The following GMIP variants were observed in gnomAD, a reference collection of about 807,000 sequenced individuals.
GMIP encodes the protein GEM-interacting protein.
A neutral mutation model predicts 105.3 loss-of-function variants in GMIP; 54 were observed. The ratio of observed to expected loss-of-function variants is 0.51; its 90% CI spans 0.41 to 0.64. The LOEUF (loss-of-function observed/expected upper bound fraction) is 0.64, where lower values mean the gene tolerates loss of function less well. GMIP is among the 30% of genes least tolerant of loss of function. The probability of loss-of-function intolerance (pLI) is 0.00; values close to 1 mark genes in which losing one functional copy is unlikely to be tolerated. For missense variants in GMIP, 1,110 were observed against 1,319.4 expected (o/e 0.84, Z 2.46); for synonymous variants, 541 against 560.8 (o/e 0.96, Z 0.50).
rs547315553 is a variant in GMIP at position 19,634,601 on chromosome 19, T to G, written c.1990A>C (p.Ser664Arg). 1 of 1,613,512 alleles carries G rather than the reference T, an allele frequency of 6.2e-7. No individual in the cohort carries two copies. Among genetic ancestry groups the G allele is most frequent in the South Asian group, 1.1e-5 (1 of 91,060 alleles). The change falls in exon 18 of 21, where the codon AGC becomes CGC. Residue 664 changes from serine to arginine, a missense_variant. Transcript: ENST00000203556. The surrounding 1 kb of genome is among the most constrained non-coding windows in gnomAD (Gnocchi z 6.1). ...TTCAGCGAGCGGATAACCTCAGGGC[T>G]GGGGCTGGGGGTCCCAGGGTCGTCC... is the stretch of plus-strand genomic sequence containing the variant. ...PGDDPGTPSP[S>R]PEVIRSLKTL...
chr19:19,633,337 C>T (rs1314456445), intron 19 of GMIP, among the ~76,000 whole-genome samples: 4 of 152,134 alleles, frequency 2.6e-5, no homozygotes, highest in Non-Finnish European at 5.9e-5. Context: ...GGATTACAGG[C>T]GTGTGCCACC....
At chr19:19,641,356 C>T (rs547273176) in intron 4 of GMIP, among the ~76,000 whole-genome samples, 24 of 152,278 alleles carry the variant, frequency 1.6e-4, no homozygotes, top group Non-Finnish European at 3.4e-4. Context: ...GCTGGGATTA[C>T]AGGCGTGAGC....
Position 19,641,793 on chromosome 19 carries a change from C to A in GMIP, c.238+17G>T. The A allele has an allele frequency of 6.3e-7, 1 of 1,590,016 alleles. No individual in the cohort carries two copies. The highest frequency in any genetic ancestry group is 1.1e-5 in the South Asian group (1 of 89,968). On this transcript the variant is annotated intron_variant, in intron 4 of 20. Transcript: ENST00000203556. ...CTCCTGTCTGTCCCCACTGTCCTGG[C>A]CTCCAGACCCCCCTACCTGTGAGGG...
chr19:19,636,566 A>G (rs980665961), intron 13 of GMIP, 141 bp downstream of exon 13: 2 of 667,868 alleles, frequency 3.0e-6, no homozygotes, highest in Non-Finnish European at 5.4e-6. Context: ...AAAAAGGTAA[A>G]AAAAGAGGTT....
At position 19,630,389 on chromosome 19, in the gene GMIP, C is replaced by T. The variant is rs200716843; in HGVS notation, c.2540-53G>A. On this transcript the variant is annotated intron_variant, in intron 20 of 20. Coordinates refer to ENST00000203556, the MANE Select transcript of GMIP (RefSeq NM_016573.4). This position sits in a 1 kb window ranked among gnomAD's most constrained non-coding sequence, Gnocchi z 4.8. Reference sequence around the variant, plus strand: ...GAGCACCTCCAAGTTCTCTGTATATCCCCCCAGGAGTCATCTTTTAGCAAG... The same window carrying T: ...GAGCACCTCCAAGTTCTCTGTATATTCCCCCAGGAGTCATCTTTTAGCAAG... 7 of 1,571,724 alleles carry T rather than the reference C, an allele frequency of 4.5e-6. No individual in the cohort carries two copies. Among genetic ancestry groups the T allele is most frequent in the Non-Finnish European group, 5.2e-6 (6 of 1,161,342 alleles).
chr19:19,643,612 G>T lies in GMIP; in HGVS notation c.-83C>A. 2 of 1,225,104 alleles carry T rather than the reference G, an allele frequency of 1.6e-6. No individual in the cohort carries two copies. Among genetic ancestry groups the T allele is most frequent in the Non-Finnish European group, 1.1e-6 (1 of 882,974 alleles). 75.9% of individuals were successfully genotyped at this position (1,225,104 alleles called of 1,614,324 possible). A position where few individuals can be genotyped will look rare whatever the true frequency, so the allele number is the denominator to read the frequency against. ...CGGGGCCGAGCCCCGATTTCCTGCC[G>T]CCGCAGCCGCCGCCGCCGCCTCGGT... On this transcript the variant is annotated 5_prime_UTR_variant, in exon 1 of 21. Coordinates refer to ENST00000203556, the MANE Select transcript of GMIP (RefSeq NM_016573.4).
At position 19,635,430 on chromosome 19, in the gene GMIP, C is replaced by T. The variant is rs773835328; in HGVS notation, c.1545G>A (p.Gly515=). The T allele has an allele frequency of 3.1e-6, 5 of 1,609,384 alleles. No individual in the cohort carries two copies. The highest frequency in any genetic ancestry group is 2.2e-5 in the South Asian group (2 of 90,950). The stretch of plus-strand genomic sequence containing the variant: ...CAGGCCACACCTCCTCACACTCCGT[C>T]CCGCTGACCATGAAGGCTTCGCACT... ...CRECEAFMVS[G]TECEECFLTC... Residue 515 remains glycine, a synonymous_variant, in exon 15 of 21, where the codon GGG becomes GGA. Transcript: ENST00000203556. This position sits in a 1 kb window ranked among gnomAD's most constrained non-coding sequence, Gnocchi z 4.7.
chr19:19,637,611 G>A lies in GMIP; in HGVS notation c.928-50C>T. On this transcript the variant is annotated intron_variant, in intron 10 of 20. Coordinates refer to ENST00000203556, the MANE Select transcript of GMIP (RefSeq NM_016573.4). The surrounding 1 kb of genome is among the most constrained non-coding windows in gnomAD (Gnocchi z 6.7). Reference sequence around the variant, plus strand: ...GGGAGGGGCGGAGCCTGGGAGCCTGGGGGCAGGGCCAGAGCTGGGGCGGGG... The same window carrying A: ...GGGAGGGGCGGAGCCTGGGAGCCTGAGGGCAGGGCCAGAGCTGGGGCGGGG... 7.2e-7 allele frequency: 1 copy of A among 1,395,784 alleles called. No homozygotes were observed. The highest frequency in any genetic ancestry group is 9.5e-7 in the Non-Finnish European group (1 of 1,054,040). 86.5% of individuals were successfully genotyped at this position (1,395,784 alleles called of 1,614,324 possible). A position where few individuals can be genotyped will look rare whatever the true frequency, so the allele number is the denominator to read the frequency against.
At chr19:19,643,325 G>A in intron 1 of GMIP, 186 bp downstream of exon 1, 1 of 490,740 alleles carries the variant, frequency 2.0e-6, no homozygotes, top group Non-Finnish European at 3.7e-6. Flanking sequence ...AGGGGGAGGG[G>A]GAGTGAAGGG....
At position 19,635,428 on chromosome 19, in the gene GMIP, G is replaced by A. The variant is rs772696325; in HGVS notation, c.1547C>T (p.Thr516Met). The A allele has an allele frequency of 1.1e-5, 17 of 1,609,244 alleles. No individual in the cohort carries two copies. Among genetic ancestry groups the A allele is most frequent in the Non-Finnish European group, 1.4e-5 (16 of 1,179,816 alleles). Residue 516 changes from threonine (T) to methionine (M), a missense_variant, in exon 15 of 21, where the codon ACG becomes ATG. Physicochemically the swap from Thr to Met is moderately conservative, Grantham distance 81. Around this residue, in one of 3 missense-constraint regions of GMIP, gnomAD observed 667 missense variants for 773.2 expected, o/e 0.86. Transcript: ENST00000203556. This position sits in a 1 kb window ranked among gnomAD's most constrained non-coding sequence, Gnocchi z 4.7. Reference sequence around the variant, plus strand: ...CCCAGGCCACACCTCCTCACACTCCGTCCCGCTGACCATGAAGGCTTCGCA... The same window carrying A: ...CCCAGGCCACACCTCCTCACACTCCATCCCGCTGACCATGAAGGCTTCGCA... ...RECEAFMVSG[T>M]ECEECFLTCH...
At chr19:19,643,322 G>A in intron 1 of GMIP, 189 bp downstream of exon 1, 1 of 488,302 alleles carries the variant, frequency 2.0e-6, no homozygotes, top group South Asian at 3.7e-5. Context: ...AAAAGGGGGA[G>A]GGGGAGTGAA....
chr19:19,639,198 T>A (rs2061891675), intron 7 of GMIP, among the ~76,000 whole-genome samples: 1 of 151,912 alleles, frequency 6.6e-6, no homozygotes, highest in South Asian at 2.1e-4. Context: ...AGCCTCCTAG[T>A]AGCTAGCACT....
At chr19:19,642,107 G>T in intron 2 of GMIP, 56 bp from the exon 3 acceptor site, 2 of 1,181,748 alleles carry the variant, frequency 1.7e-6, no homozygotes, top group Non-Finnish European at 1.2e-6. Flanking sequence ...TCCTGCCAAG[G>T]GGTGCTGGGG....
intron 19 of GMIP, among the ~76,000 whole-genome samples, chr19:19,633,037 T>C (rs1017710170): frequency 6.6e-6 from 1 of 151,194 alleles, no homozygotes; most frequent in African/African-American, 2.4e-5. Flanking sequence ...TGCTGCTCCC[T>C]GGTGTCATGT....
Position 19,637,688 on chromosome 19 carries a change from G to A in GMIP, c.928-127C>T. 1 of 882,390 alleles carries A rather than the reference G, an allele frequency of 1.1e-6. No homozygotes were observed. 54.7% of individuals were successfully genotyped at this position (882,390 alleles called of 1,614,324 possible). The stretch of plus-strand genomic sequence containing the variant: ...TTTGGGACGCACCTGGGCGGCTTAG[G>A]AACTAGGGCAGTCGGCCAGGGGACC... On this transcript the variant is annotated intron_variant, in intron 10 of 20. Transcript: ENST00000203556. The surrounding 1 kb of genome is among the most constrained non-coding windows in gnomAD (Gnocchi z 6.7).
intron 4 of GMIP, 126 bp from the exon 5 acceptor site, chr19:19,640,697 G>T: frequency 2.4e-6 from 2 of 838,398 alleles, no homozygotes; most frequent in Non-Finnish European, 3.7e-6. Context: ...ACTACTTTGG[G>T]ATCACTTGTC....
In GMIP at chr19:19,634,565, C is replaced by T. The variant is rs539400941; in HGVS notation, c.2026G>A (p.Val676Ile). ...EVIRSLKTLLVQLPDSNYNTL... is the reference protein window; with the variant it reads ...EVIRSLKTLLIQLPDSNYNTL... ...TTGTAGTTAGAGTCAGGCAGCTGTA[C>T]CAAGAGGGTCTTCAGCGAGCGGATA... The change falls in exon 18 of 21, where the codon GTA becomes ATA. Residue 676 changes from valine (V) to isoleucine (I), a missense_variant. Val to Ile is a conservative substitution (Grantham distance 29). Coordinates refer to ENST00000203556, the MANE Select transcript of GMIP (RefSeq NM_016573.4). The surrounding 1 kb of genome is among the most constrained non-coding windows in gnomAD (Gnocchi z 6.1). 1 of 1,613,562 alleles carries T rather than the reference C, an allele frequency of 6.2e-7. No homozygotes were observed. Among genetic ancestry groups the T allele is most frequent in the Non-Finnish European group, 8.5e-7 (1 of 1,179,850 alleles).
At position 19,642,428 on chromosome 19, in the gene GMIP, T is replaced by G. The variant is rs1009847355; in HGVS notation, c.104+107A>C. The G allele has an allele frequency of 4.2e-6, 3 of 715,362 alleles. No homozygotes were observed. In the African/African-American group the frequency reaches 5.2e-5, roughly 13 times the overall value. 44.3% of individuals were successfully genotyped at this position (715,362 alleles called of 1,614,324 possible). On this transcript the variant is annotated intron_variant, in intron 2 of 20. Coordinates refer to ENST00000203556, the MANE Select transcript of GMIP (RefSeq NM_016573.4). ...CCTAGACTTCTCTGGTTATTAGGTA[T>G]GTAGGTCCAGATGTTACAGGTTCCA...
Position 19,640,537 on chromosome 19 carries a change from C to T in GMIP, c.273G>A (p.Lys91=), listed in dbSNP as rs1242208850. 10 of 1,614,010 alleles carry T rather than the reference C, an allele frequency of 6.2e-6. No individual in the cohort carries two copies. The highest frequency in any genetic ancestry group is 7.6e-6 in the Non-Finnish European group (9 of 1,180,006). ...EELDLRLIRT[K]GGVDAALEYA... is the part of the protein sequence containing the mutation. ...ATTCCAGGGCTGCGTCCACACCCCC[C>T]TTTGTCCGAATGAGCCGCAAGTCCA... is the stretch of plus-strand genomic sequence containing the variant. Residue 91 remains lysine (K), a synonymous_variant, in exon 5 of 21, where the codon AAG becomes AAA. Coordinates refer to ENST00000203556, the MANE Select transcript of GMIP (RefSeq NM_016573.4).
Sources: allele counts gnomAD v4.1 joint callset (sites outside exome capture counted in the v4.1 genomes callset), GRCh38; gene constraint gnomAD v4.1.1; regional missense constraint gnomAD v4.1.1; non-coding constraint Gnocchi (gnomAD v3.1); transcripts MANE v1.5; gene names NCBI Gene and HGNC (gene_info 2026-07-23, HGNC 2026-07-21).